The following TTN variants were observed in gnomAD, a reference collection of about 807,000 sequenced individuals.
The protein encoded by TTN is connectin.
Under a neutral mutation model 3,223.0 loss-of-function variants are expected in TTN, and 1,525 were observed. That is an observed-to-expected ratio of 0.47 (90% CI 0.45 to 0.49). TTN has a LOEUF of 0.49. Among genes scored for constraint, TTN ranks in the 20% least tolerant of loss-of-function variants. The pLI is 0.00. For missense variants in TTN, 40,786 were observed against 43,424.0 expected, an observed-to-expected ratio of 0.94 and a Z score of 5.40; for synonymous variants, 14,094 against 15,161.0, an observed-to-expected ratio of 0.93 and a Z score of 5.17.
chr2:178,558,543 G>A lies in TTN; in HGVS notation c.86916C>T (p.Ser28972=), dbSNP rs1364674522. ...CTTCAACGACATAGTGTACAATTCT[G>A]CTTCCGCCATCATGTTCAGGCTTCA... ...TWLKPEHDGG[S]RIVHYVVEAL... Residue 28972 remains serine (S), a synonymous_variant, in exon 327 of 363, where the codon AGC becomes AGT. Coordinates refer to ENST00000589042, the MANE Select transcript of TTN (RefSeq NM_001267550.2). 1 of 1,613,708 alleles carries A rather than the reference G, an allele frequency of 6.2e-7. No homozygotes were observed. The highest frequency in any genetic ancestry group is 2.2e-5 in the East Asian group (1 of 44,784).
At chr2:178,798,868 G>T (rs2093905040) in intron 6 of TTN, 1 of 153,680 alleles carries the variant, frequency 6.5e-6, no homozygotes, top group African/African-American at 2.4e-5. Flanking sequence ...AGGCTGATTT[G>T]TCCTTAGGGC....
At chr2:178,647,230 T>A in intron 214 of TTN, 86 bp from the exon 215 acceptor site, 1 of 1,134,672 alleles carries the variant, frequency 8.8e-7, no homozygotes, top group Non-Finnish European at 1.2e-6. Flanking sequence ...CTAGTTACAT[T>A]AAGTAACACT....
At chr2:178,759,256 A>T (rs2088282043) in intron 43 of TTN, 84 bp from the exon 44 acceptor site, 1 of 1,317,226 alleles carries the variant, frequency 7.6e-7, no homozygotes, top group Non-Finnish European at 1.1e-6. Context: ...TGTTAATAAT[A>T]CTAGTGCCTA....
Position 178,566,893 on chromosome 2 carries a change from A to C in TTN, c.79239T>G (p.Asp26413Glu). 1 of 1,613,534 alleles carries C rather than the reference A, an allele frequency of 6.2e-7. No individual in the cohort carries two copies. The highest frequency in any genetic ancestry group is 1.6e-4 in the Middle Eastern group (1 of 6,062). ...TGTAACCAATAATCTCACTTCCACC[A>C]TCACTATCTGGACGGTTCCAACAGA... is the stretch of plus-strand genomic sequence containing the variant. ...MTVCWNRPDS[D>E]GGSEIIGYIV... Residue 26413 changes from aspartate (D) to glutamate (E), a missense_variant, in exon 326 of 363, where the codon GAT (aspartate) becomes GAG (glutamate). By Grantham distance (45) the Asp-to-Glu change is conservative. Coordinates refer to ENST00000589042, the MANE Select transcript of TTN (RefSeq NM_001267550.2).
Position 178,601,481 on chromosome 2 carries a change from CG to C in TTN, c.55515del (p.Asp18505GlufsTer35). The C allele has an allele frequency of 6.2e-7, 1 of 1,613,018 alleles. No homozygotes were observed. Among genetic ancestry groups the C allele is most frequent in the Non-Finnish European group, 8.5e-7 (1 of 1,179,332 alleles). On this transcript the variant is annotated frameshift_variant, in exon 287 of 363. Transcript: ENST00000589042. LOFTEE classifies it high-confidence loss of function. ...SCRLSWKMPD[D>X]DGGDRIKGYV... is the part of the protein sequence containing the mutation. ...TAGCCTTTGATCCTGTCTCCTCCAT[CG>C]TCGTCTGGCATCTTCCATGAAAGTC...
In TTN at chr2:178,718,026, T is replaced by A; in HGVS notation, c.24980A>T (p.Asp8327Val). Residue 8327 changes from aspartate (D) to valine (V), a missense_variant, in exon 86 of 363, where the codon GAT becomes GTT. Transcript: ENST00000589042. ...TGAATACTCTCCCACATCACTGTGATCCACTTTGTTGATTACTAAGGAAGC... is the reference window on the plus strand; with the variant it reads ...TGAATACTCTCCCACATCACTGTGAACCACTTTGTTGATTACTAAGGAAGC... Reference protein sequence around the residue: ...NVASLVINKVDHSDVGEYSCK... With the variant: ...NVASLVINKVVHSDVGEYSCK... 1 of 1,613,796 alleles carries A rather than the reference T, an allele frequency of 6.2e-7. No homozygotes were observed. Among genetic ancestry groups the A allele is most frequent in the East Asian group, 2.2e-5 (1 of 44,882 alleles).
intron 168 of TTN, 123 bp downstream of exon 168, chr2:178,664,337 T>G: frequency 1.2e-6 from 1 of 845,090 alleles, no homozygotes; most frequent in African/African-American, 1.7e-5. Context: ...TACACTTGAG[T>G]TGCAAGAGTC....
chr2:178,709,719 T>C lies in TTN; in HGVS notation c.28600A>G (p.Ile9534Val). Residue 9534 changes from isoleucine to valine, a missense_variant, in exon 99 of 363, where the codon ATA becomes GTA. By Grantham distance (29) the Ile-to-Val change is conservative. Coordinates refer to ENST00000589042, the MANE Select transcript of TTN (RefSeq NM_001267550.2). Reference protein sequence around the residue: ...TVAWYKNNIEIQPTSNCEITF... With the variant: ...TVAWYKNNIEVQPTSNCEITF... ...ATTTCACAGTTAGAAGTTGGTTGTA[T>C]CTCTATATTATTTTTGTACCAGGCA... The C allele has an allele frequency of 6.2e-7, 1 of 1,613,912 alleles. No individual in the cohort carries two copies. Among genetic ancestry groups the C allele is most frequent in the Non-Finnish European group, 8.5e-7 (1 of 1,179,816 alleles).
chr2:178,726,133 G>T, intron 69 of TTN, 87 bp from the exon 70 acceptor site: 1 of 1,434,670 alleles, frequency 7.0e-7, no homozygotes, highest in Non-Finnish European at 9.2e-7. Flanking sequence ...TGGAAGAAAG[G>T]TTTAAGATAT....
chr2:178,582,416 T>G lies in TTN; in HGVS notation c.66040A>C (p.Ser22014Arg). 1 of 1,612,816 alleles carries G rather than the reference T, an allele frequency of 6.2e-7. No homozygotes were observed. The highest frequency in any genetic ancestry group is 8.5e-7 in the Non-Finnish European group (1 of 1,179,272). Residue 22014 changes from serine (S) to arginine (R), a missense_variant, in exon 314 of 363, where the codon AGC (serine) becomes CGC (arginine). Coordinates refer to ENST00000589042, the MANE Select transcript of TTN (RefSeq NM_001267550.2). ...AQVSATVPIT[S>R]CSVEKLIEGH... ...TCTATAAGTTTCTCCACGCTGCAGC[T>G]GGTGATAGGCACAGTTGCAGAGACT... is the stretch of plus-strand genomic sequence containing the variant.
Position 178,529,138 on chromosome 2 carries a change from T to C in TTN, c.106613A>G (p.Glu35538Gly). 6.3e-7 allele frequency: 1 copy of C among 1,586,716 alleles called. No individual in the cohort carries two copies. The highest frequency in any genetic ancestry group is 8.6e-7 in the Non-Finnish European group (1 of 1,168,658). The change falls in exon 360 of 363, where the codon GAG (glutamate) becomes GGG (glycine). Residue 35538 changes from glutamate (E) to glycine (G), a missense_variant. Coordinates refer to ENST00000589042, the MANE Select transcript of TTN (RefSeq NM_001267550.2). ...CCTTAGGGCTTTTTGGGAAATTTCC[T>C]CTTGGACAACAGCTTTCTTCTGAGG... ...ITPQKKAVVQEEISQKALRSE... is the reference protein window; with the variant it reads ...ITPQKKAVVQGEISQKALRSE...
In TTN at chr2:178,611,233, C is replaced by T; in HGVS notation, c.50896G>A (p.Val16966Ile). The stretch of plus-strand genomic sequence containing the variant: ...ATGCTTAACTTTTCACCTTCAATAA[C>T]AATAATGTCATGAGTCTCCAGGTCA... Reference protein sequence around the residue: ...TIDLETHDIIVIEGEKLSIPV... With the variant: ...TIDLETHDIIIIEGEKLSIPV... Residue 16966 changes from valine (V) to isoleucine (I), a missense_variant, in exon 270 of 363, where the codon GTT becomes ATT. Transcript: ENST00000589042. 6.2e-7 allele frequency: 1 copy of T among 1,612,476 alleles called. No individual in the cohort carries two copies. The highest frequency in any genetic ancestry group is 8.5e-7 in the Non-Finnish European group (1 of 1,179,190).
Position 178,589,906 on chromosome 2 carries a change from C to T in TTN, c.61819G>A (p.Glu20607Lys). Reference protein sequence around the residue: ...GGSEITNFIVEYRKPNQKGWS... With the variant: ...GGSEITNFIVKYRKPNQKGWS... ...CCTTTCTGGTTTGGTTTGCGATATTCTACTATGAAGTTTGTTATTTCTGAG... is the reference window on the plus strand; with the variant it reads ...CCTTTCTGGTTTGGTTTGCGATATTTTACTATGAAGTTTGTTATTTCTGAG... Residue 20607 changes from glutamate to lysine, a missense_variant, in exon 304 of 363, where the codon GAA (glutamate) becomes AAA (lysine). By Grantham distance (56) the Glu-to-Lys change is moderately conservative. Coordinates refer to ENST00000589042, the MANE Select transcript of TTN (RefSeq NM_001267550.2). 6.2e-7 allele frequency: 1 copy of T among 1,613,290 alleles called. No individual in the cohort carries two copies. Among genetic ancestry groups the T allele is most frequent in the Non-Finnish European group, 8.5e-7 (1 of 1,179,554 alleles).
Position 178,592,919 on chromosome 2 carries a change from G to C in TTN, c.59200C>G (p.Pro19734Ala), listed in dbSNP as rs563889482. ...DEEWRRANHTPESCPETKYKV... is the reference protein window; with the variant it reads ...DEEWRRANHTAESCPETKYKV... ...TATTTAGTTTCAGGACATGACTCAG[G>C]GGTGTGATTGGCTCTTCTCCACTCT... Residue 19734 changes from proline (P) to alanine (A), a missense_variant, in exon 300 of 363, where the codon CCT becomes GCT. Transcript: ENST00000589042. 6.2e-7 allele frequency: 1 copy of C among 1,613,314 alleles called. No individual in the cohort carries two copies. Among genetic ancestry groups the C allele is most frequent in the East Asian group, 2.2e-5 (1 of 44,834 alleles).
rs774790016 is a variant in TTN, at chr2:178,591,202, G to A, written c.60523C>T (p.Pro20175Ser). The change falls in exon 304 of 363, where the codon CCA becomes TCA. Residue 20175 changes from proline (P) to serine (S), a missense_variant. Pro to Ser is a moderately conservative substitution (Grantham distance 74, BLOSUM62 -1). Coordinates refer to ENST00000589042, the MANE Select transcript of TTN (RefSeq NM_001267550.2). ...TCCAGAATATTAATAGGACCTGTTG[G>A]TGGCCCAGGAACATCAAGAACAGTA... is the stretch of plus-strand genomic sequence containing the variant. ...HLTVLDVPGP[P>S]TGPINILDVT... 6.2e-7 allele frequency: 1 copy of A among 1,613,398 alleles called. No individual in the cohort carries two copies. The highest frequency in any genetic ancestry group is 1.1e-5 in the South Asian group (1 of 91,066).
chr2:178,621,839 C>T lies in TTN; in HGVS notation c.45082+1G>A, dbSNP rs1472438447. On this transcript the variant is annotated splice_donor_variant, in intron 244 of 362. Transcript: ENST00000589042. LOFTEE classifies it high-confidence loss of function. ...TTCACAAAGAATGACTTTACTCTTA[C>T]CCAGAACTGTCAGCATGCCAGAAGT... is the stretch of plus-strand genomic sequence containing the variant. The T allele has an allele frequency of 1.2e-6, 2 of 1,611,940 alleles. No individual in the cohort carries two copies. Among genetic ancestry groups the T allele is most frequent in the Non-Finnish European group, 1.7e-6 (2 of 1,178,900 alleles).
In TTN at chr2:178,777,757, A is replaced by G; in HGVS notation, c.4427T>C (p.Phe1476Ser). ...FKCLEGQTAR[F>S]DLKVVGRPMP... is the part of the protein sequence containing the mutation. ...AGGTCTACCAACAACCTTTAAGTCA[A>G]ATCTGGCAGTTTGCCCTTCTAAACA... Residue 1476 changes from phenylalanine to serine, a missense_variant, in exon 25 of 363, where the codon TTT (phenylalanine) becomes TCT (serine). Coordinates refer to ENST00000589042, the MANE Select transcript of TTN (RefSeq NM_001267550.2). 6.2e-7 allele frequency: 1 copy of G among 1,614,106 alleles called. No homozygotes were observed. Among genetic ancestry groups the G allele is most frequent in the East Asian group, 2.2e-5 (1 of 44,874 alleles).
At chr2:178,797,533 C>T (rs956404286) in intron 6 of TTN, among the ~76,000 whole-genome samples, 46 of 151,904 alleles carry the variant, frequency 3.0e-4, no homozygotes, top group African/African-American at 1.1e-3. Flanking sequence ...GTAAGTGTTG[C>T]AAACATTCCC....
At position 178,577,294 on chromosome 2, in the gene TTN, T is replaced by C. The variant is rs1394733017; in HGVS notation, c.69041A>G (p.Asp23014Gly). The change falls in exon 324 of 363, where the codon GAT (aspartate) becomes GGT (glycine). Residue 23014 changes from aspartate to glycine, a missense_variant. Physicochemically the swap from Asp to Gly is moderately conservative, Grantham distance 94 (BLOSUM62 -1). Transcript: ENST00000589042. ...MLTIKYATRK[D>G]AGEYTITATN... ...AGCAGTGATGGTATATTCACCCGCATCTTTTCTAGTGGCATACTTGATAGT... is the reference window on the plus strand; with the variant it reads ...AGCAGTGATGGTATATTCACCCGCACCTTTTCTAGTGGCATACTTGATAGT... The C allele has an allele frequency of 6.2e-7, 1 of 1,612,918 alleles. No homozygotes were observed. The highest frequency in any genetic ancestry group is 8.5e-7 in the Non-Finnish European group (1 of 1,179,482).
Sources: allele counts gnomAD v4.1 joint callset (sites outside exome capture counted in the v4.1 genomes callset), GRCh38; gene constraint gnomAD v4.1.1; transcripts MANE v1.5; gene names NCBI Gene and HGNC (gene_info 2026-07-23, HGNC 2026-07-21).